Variants in VWF observed in about 807,000 individuals in gnomAD.
VWF encodes von Willebrand factor.
A neutral mutation model predicts 308.6 loss-of-function variants in VWF; 176 were observed. That is an observed-to-expected ratio of 0.57 (90% confidence interval 0.50 to 0.65). The LOEUF (loss-of-function observed/expected upper bound fraction) is 0.65. Ranked by LOEUF, VWF falls within the 30% of genes least tolerant of loss-of-function variation. VWF has a pLI of 0.00. For missense variants in VWF, 3,146 were observed against 3,648.2 expected (o/e 0.86, Z 3.55); for synonymous variants, 1,385 against 1,443.4 (o/e 0.96, Z 0.92).
rs765176386 is a variant in VWF at position 5,994,057 on chromosome 12, C to A, written c.6403G>T (p.Asp2135Tyr). The A allele has an allele frequency of 1.9e-6, 3 of 1,613,972 alleles. No individual in the cohort carries two copies. Among genetic ancestry groups the A allele is most frequent in the African/African-American group, 2.7e-5 (2 of 74,878 alleles). ...PILEEQCLVP[D>Y]SSHCQVLLLP... The stretch of plus-strand genomic sequence containing the variant: ...AGGAGGACCTGGCAGTGGGAGCTGT[C>A]GGGGACAAGACACTGCTCCTCCAGG... The change falls in exon 37 of 52, where the codon GAC (aspartate) becomes TAC (tyrosine). Residue 2135 changes from aspartate (D) to tyrosine (Y), a missense_variant. By Grantham distance (160) the Asp-to-Tyr change is radical. Transcript: ENST00000261405.
chr12:6,024,740 A>C lies in VWF; in HGVS notation c.3222+840T>G, dbSNP rs1421062518. Among the ~76,000 whole-genome samples the C allele has an allele frequency of 6.6e-6, 1 of 152,124 alleles. No homozygotes were observed. Among genetic ancestry groups the C allele is most frequent in the African/African-American group, 2.4e-5 (1 of 41,430 alleles). On this transcript the variant is annotated intron_variant, in intron 24 of 51. Coordinates refer to ENST00000261405, the MANE Select transcript of VWF (RefSeq NM_000552.5). This position sits in a 1 kb window ranked among gnomAD's most constrained non-coding sequence, Gnocchi z 4.0. Reference sequence around the variant, plus strand: ...GCAGCAGATAAGAGACAACTGCACTATGGTCGGGCATGGTGGCTCACACCT... The same window carrying C: ...GCAGCAGATAAGAGACAACTGCACTCTGGTCGGGCATGGTGGCTCACACCT...
At chr12:5,989,803 G>A (rs1943718002) in intron 38 of VWF, among the ~76,000 whole-genome samples, 1 of 152,154 alleles carries the variant, frequency 6.6e-6, no homozygotes, top group Admixed American at 6.5e-5. Context: ...CTGCAAACTT[G>A]AGCTCACTTC....
rs546613919 is a variant in VWF, at chr12:6,060,568, G to A, written c.1533+2386C>T. 3.9e-5 allele frequency among the ~76,000 whole-genome samples: 6 copies of A among 152,042 alleles called. No individual in the cohort carries two copies. The highest frequency in any genetic ancestry group is 5.9e-5 in the Non-Finnish European group (4 of 68,004). ...AACCCACAAGATAGTCCCTTTCCAT[G>A]AGCCCCAGGAATCTGTGTAAAGAAA... On this transcript the variant is annotated intron_variant, in intron 13 of 51. Coordinates refer to ENST00000261405, the MANE Select transcript of VWF (RefSeq NM_000552.5). This position sits in a 1 kb window ranked among gnomAD's most constrained non-coding sequence, Gnocchi z 5.1.
chr12:5,958,363 GT>G (rs1203596281), intron 47 of VWF, among the ~76,000 whole-genome samples: 1 of 152,132 alleles, frequency 6.6e-6, no homozygotes, highest in East Asian at 1.9e-4. Flanking sequence ...AGACAAATTA[GT>G]CAAAATAAGA....
Position 5,967,494 on chromosome 12 carries a change from A to G in VWF, c.7879T>C (p.Cys2627Arg), listed in dbSNP as rs773560179. The G allele has an allele frequency of 1.4e-5, 22 of 1,613,986 alleles. No homozygotes were observed. Among genetic ancestry groups the G allele is most frequent in the African/African-American group, 2.7e-5 (2 of 74,902 alleles). Residue 2627 changes from cysteine (C) to arginine (R), a missense_variant, in exon 47 of 52, where the codon TGC becomes CGC. Transcript: ENST00000261405. ...LECRKTTCNP[C>R]PLGYKEENNT... is the part of the protein sequence containing the mutation. ...CATTGAGCCTCTCTTACCAGGGGGC[A>G]GGGGTTGCAGGTGGTCTTCCTGCAC...
chr12:6,117,887 G>A (rs1945386152), intron 3 of VWF, among the ~76,000 whole-genome samples: 1 of 152,252 alleles, frequency 6.6e-6, no homozygotes, highest in Non-Finnish European at 1.5e-5. Context: ...TGAAGAGGGA[G>A]AGCAGAGGAG....
At chr12:6,116,535 G>A (rs747645641) in intron 3 of VWF, among the ~76,000 whole-genome samples, 9 of 152,200 alleles carry the variant, frequency 5.9e-5, no homozygotes, top group Non-Finnish European at 1.2e-4. Flanking sequence ...AAGGCTCCCC[G>A]GGGGAAGTGA....
intron 28 of VWF, among the ~76,000 whole-genome samples, 163 bp from the exon 29 acceptor site, chr12:6,017,033 G>A (rs1161623114): frequency 1.3e-5 from 2 of 152,236 alleles, no homozygotes; most frequent in Non-Finnish European, 2.9e-5. Context: ...ATGTGGGCCA[G>A]GGAGGAGGGG....
chr12:6,022,050 T>C lies in VWF; in HGVS notation c.3539-15A>G, dbSNP rs748934603. On this transcript the variant is annotated splice_polypyrimidine_tract_variant and intron_variant, in intron 26 of 51. Transcript: ENST00000261405. ...CAGGATTTTCCCTGCAAAAGAAAGCTCTCATTAGGAACCAAAACGCTCCCC... is the reference window on the plus strand; with the variant it reads ...CAGGATTTTCCCTGCAAAAGAAAGCCCTCATTAGGAACCAAAACGCTCCCC... The C allele has an allele frequency of 8.7e-6, 14 of 1,613,938 alleles. No homozygotes were observed. In the South Asian group the frequency reaches 1.4e-4, roughly 16 times the overall value.
chr12:5,971,694 G>A lies in VWF; in HGVS notation c.7453C>T (p.Leu2485=), dbSNP rs769702619. The stretch of plus-strand genomic sequence containing the variant: ...CTTCCACAGCACTCGCCTTCATGCA[G>A]AACGTAAGTGAAGCCCTGGAAAAGC... ...DSCRSGFTYV[L]HEGECCGRCL... The change falls in exon 44 of 52, where the codon CTG becomes TTG. Residue 2485 remains leucine, a synonymous_variant. Transcript: ENST00000261405. The A allele has an allele frequency of 3.1e-6, 5 of 1,614,064 alleles. No homozygotes were observed. In the East Asian group the frequency reaches 1.1e-4, roughly 36 times the overall value.
At chr12:5,960,618 G>A (rs898521033) in intron 47 of VWF, among the ~76,000 whole-genome samples, 4 of 152,180 alleles carry the variant, frequency 2.6e-5, no homozygotes, top group Non-Finnish European at 4.4e-5. Flanking sequence ...AGCACTGGAT[G>A]TGAAACAGGA....
At chr12:6,023,395 C>G (rs1944152126) in intron 25 of VWF, among the ~76,000 whole-genome samples, 1 of 152,220 alleles carries the variant, frequency 6.6e-6, no homozygotes, top group Admixed American at 6.5e-5. Flanking sequence ...CAGAATCTCT[C>G]CAGAAGAAAA....
In VWF at chr12:6,106,307, G is replaced by A. The variant is rs186509778; in HGVS notation, c.532+4067C>T. On this transcript the variant is annotated intron_variant, in intron 5 of 51. Transcript: ENST00000261405. ...CACCACAACATGAATGAACCTTGAG[G>A]ACATTATGCAAAGTGAAATAAGCCA... Among the ~76,000 whole-genome samples, 10 of 152,128 alleles carry A rather than the reference G, an allele frequency of 6.6e-5. No individual in the cohort carries two copies. The East Asian group carries it at 1.7e-3, about 26-fold the overall frequency.
intron 20 of VWF, among the ~76,000 whole-genome samples, chr12:6,032,901 T>TACACACACGTAGCCATAC (rs1376398261): frequency 2.9e-5 from 4 of 138,054 alleles, no homozygotes; most frequent in African/African-American, 1.1e-4. Context: ...TACACATACA[T>TACACACACGTAGCCATAC]ACACACACGT....
At chr12:6,100,808 G>A (rs894687417) in intron 5 of VWF, among the ~76,000 whole-genome samples, 1 of 152,002 alleles carries the variant, frequency 6.6e-6, no homozygotes, top group Non-Finnish European at 1.5e-5. Context: ...CGAGTTAATG[G>A]GTGCAGCACA....
At chr12:6,120,918 C>T (rs1161209313) in intron 3 of VWF, among the ~76,000 whole-genome samples, 1 of 152,100 alleles carries the variant, frequency 6.6e-6, no homozygotes, top group Non-Finnish European at 1.5e-5. Flanking sequence ...AGGGCATCGC[C>T]GGGCCCCAGA....
intron 42 of VWF, among the ~76,000 whole-genome samples, chr12:5,978,421 C>A (rs1943555850): frequency 6.6e-6 from 1 of 152,142 alleles, no homozygotes; most frequent in Non-Finnish European, 1.5e-5. Flanking sequence ...CACCACCACA[C>A]CCAACTAATT....
chr12:6,040,752 C>T (rs781019568), intron 18 of VWF, among the ~76,000 whole-genome samples: 13 of 152,188 alleles, frequency 8.5e-5, no homozygotes, highest in Non-Finnish European at 1.5e-4. Context: ...GACCTTTGCA[C>T]GATGGCAGGA....
chr12:6,102,005 G>A (rs1281142820), intron 5 of VWF, among the ~76,000 whole-genome samples: 3 of 152,114 alleles, frequency 2.0e-5, no homozygotes, highest in Non-Finnish European at 2.9e-5. Flanking sequence ...GGGGGAGGGC[G>A]GAATTTTCTC....
Sources: allele counts gnomAD v4.1 joint callset (sites outside exome capture counted in the v4.1 genomes callset), GRCh38; gene constraint gnomAD v4.1.1; non-coding constraint Gnocchi (gnomAD v3.1); transcripts MANE v1.5; gene names NCBI Gene and HGNC (gene_info 2026-07-23, HGNC 2026-07-21).